The following PAPPA2 variants were observed in gnomAD, a reference collection of about 807,000 sequenced individuals.
PAPPA2 encodes the protein pappalysin 2.
In PAPPA2, 86 loss-of-function variants were observed where a neutral mutation model predicts 176.4. That is an observed-to-expected ratio of 0.49 (90% CI 0.41 to 0.58). The LOEUF (loss-of-function observed/expected upper bound fraction) is 0.58, where lower values mean the gene tolerates loss of function less well. PAPPA2 is among the 20% of genes least tolerant of loss of function. PAPPA2 has a pLI of 0.00. For synonymous variants in PAPPA2, 809 were observed against 852.2 expected, an observed-to-expected ratio of 0.95 and a Z score of 0.88; for missense variants, 2,073 against 2,256.9, an observed-to-expected ratio of 0.92 and a Z score of 1.65.
chr1:176,682,023 T>C (rs1659610106), intron 4 of PAPPA2, among the ~76,000 whole-genome samples: 1 of 152,172 alleles, frequency 6.6e-6, no homozygotes, highest in Admixed American at 6.5e-5. Flanking sequence ...TATCCCTTAC[T>C]TATGCAGAAC....
intron 12 of PAPPA2, among the ~76,000 whole-genome samples, chr1:176,716,602 C>CTTTTTTTT (rs71299410): frequency 4.2e-4 from 48 of 114,824 alleles, no homozygotes; most frequent in South Asian, 6.0e-4. Flanking sequence ...TTCCTTCCTT[C>CTTTTTTTT]TTTTTTTTTT....
chr1:176,771,360 A>T (rs1043811827), intron 17 of PAPPA2, among the ~76,000 whole-genome samples, 180 bp downstream of exon 17: 1 of 152,226 alleles, frequency 6.6e-6, no homozygotes, highest in Non-Finnish European at 1.5e-5. Context: ...TCTCACTTGC[A>T]TACTTTTTAA....
intron 3 of PAPPA2, among the ~76,000 whole-genome samples, chr1:176,641,793 A>G (rs539992367): frequency 5.7e-4 from 86 of 152,050 alleles, no homozygotes; most frequent in African/African-American, 2.0e-3. Flanking sequence ...CATAAAACTT[A>G]ATATAGTCTG....
At chr1:176,674,488 A>C (rs1167485807) in intron 4 of PAPPA2, among the ~76,000 whole-genome samples, 2 of 152,054 alleles carry the variant, frequency 1.3e-5, no homozygotes, top group African/African-American at 4.8e-5. Context: ...TTTAGCTCCC[A>C]CTTATAAGTG....
At chr1:176,803,698 T>C (rs369281881) in intron 21 of PAPPA2, among the ~76,000 whole-genome samples, 4 of 152,184 alleles carry the variant, frequency 2.6e-5, no homozygotes, top group African/African-American at 9.6e-5. Context: ...GCCCATCAAT[T>C]TCCTTCATTC....
At chr1:176,580,120 T>A (rs1652876347) in intron 2 of PAPPA2, among the ~76,000 whole-genome samples, 2 of 152,186 alleles carry the variant, frequency 1.3e-5, no homozygotes, top group South Asian at 4.1e-4. Context: ...CCTACCTAGC[T>A]GTAATTCTGT....
rs758253597 is a variant in PAPPA2 at position 176,779,155 on chromosome 1, CA to C, written c.4715+7976del. 2.0e-5 allele frequency among the ~76,000 whole-genome samples: 3 copies of C among 152,250 alleles called. No homozygotes were observed. The South Asian group carries it at 6.2e-4, about 32-fold the overall frequency. On this transcript the variant is annotated intron_variant, in intron 17 of 22. Coordinates refer to ENST00000367662, the MANE Select transcript of PAPPA2 (RefSeq NM_020318.3). ...ATATTGACTGCTAATATCTATTAAT[CA>C]GAGTACATTTTTAAAAACTTGAGTA...
At chr1:176,500,779 A>G (rs991257645) in intron 1 of PAPPA2, among the ~76,000 whole-genome samples, 1 of 151,420 alleles carries the variant, frequency 6.6e-6, no homozygotes, top group South Asian at 2.1e-4. Context: ...CCCCTAACCT[A>G]TGTATGTGAT....
At chr1:176,511,165 T>A (rs1648578433) in intron 1 of PAPPA2, among the ~76,000 whole-genome samples, 1 of 151,976 alleles carries the variant, frequency 6.6e-6, no homozygotes, top group Non-Finnish European at 1.5e-5. Flanking sequence ...CACAGATAGG[T>A]TCAAAATAAA....
chr1:176,689,050 C>T (rs1659976244), intron 4 of PAPPA2, among the ~76,000 whole-genome samples: 1 of 152,150 alleles, frequency 6.6e-6, no homozygotes, highest in Non-Finnish European at 1.5e-5. Context: ...GAAAGAAGGG[C>T]AGGGCCAGCT....
chr1:176,563,480 A>G (rs571292371), intron 2 of PAPPA2, among the ~76,000 whole-genome samples: 1 of 152,252 alleles, frequency 6.6e-6, no homozygotes. Flanking sequence ...GTTTTTGTAA[A>G]TAAAGTTTTA....
intron 1 of PAPPA2, among the ~76,000 whole-genome samples, chr1:176,494,564 C>A (rs1344586963): frequency 6.6e-6 from 1 of 152,162 alleles, no homozygotes; most frequent in Non-Finnish European, 1.5e-5. Context: ...TTTCTGCCTC[C>A]TGTTACATGA....
intron 1 of PAPPA2, among the ~76,000 whole-genome samples, chr1:176,542,666 A>G (rs1008951073): frequency 4.6e-5 from 7 of 152,190 alleles, no homozygotes; most frequent in Non-Finnish European, 8.8e-5. Context: ...TTGAATGGGT[A>G]GGAGGACATC....
At chr1:176,785,389 G>A (rs564016546) in intron 17 of PAPPA2, among the ~76,000 whole-genome samples, 5 of 152,244 alleles carry the variant, frequency 3.3e-5, no homozygotes, top group South Asian at 2.1e-4. Flanking sequence ...GCTTAGAGAC[G>A]TTGGTTGTCT....
intron 12 of PAPPA2, among the ~76,000 whole-genome samples, chr1:176,737,719 G>C (rs1256536210): frequency 6.6e-6 from 1 of 152,114 alleles, no homozygotes; most frequent in Non-Finnish European, 1.5e-5. Context: ...AACAGGCAAA[G>C]TGATTTGATA....
chr1:176,690,911 T>TAA (rs3039065), intron 5 of PAPPA2: 110,103 of 875,298 alleles, frequency 0.13, 1,986 homozygotes, highest in Middle Eastern at 0.18. Flanking sequence ...TGTATGTTAC[T>TAA]AAAAAAAAAA....
intron 21 of PAPPA2, among the ~76,000 whole-genome samples, chr1:176,821,963 A>G (rs1401193644): frequency 6.6e-6 from 1 of 152,230 alleles, no homozygotes; most frequent in Non-Finnish European, 1.5e-5. Flanking sequence ...CAGGTTTGAA[A>G]TCTAGAATCT....
Position 176,464,907 on chromosome 1 carries a change from C to T in PAPPA2, c.-917+1489C>T, listed in dbSNP as rs1039770725. On this transcript the variant is annotated intron_variant, in intron 1 of 22. Coordinates refer to ENST00000367662, the MANE Select transcript of PAPPA2 (RefSeq NM_020318.3). ...AATATCCATATGCAGTGGTTATCAC[C>T]GGATAGGTGGCTGGATAGTGGTTAT... Among the ~76,000 whole-genome samples the T allele has an allele frequency of 5.9e-5, 9 of 152,188 alleles. No homozygotes were observed. In the East Asian group the frequency reaches 7.7e-4, roughly 13 times the overall value.
intron 3 of PAPPA2, among the ~76,000 whole-genome samples, chr1:176,632,059 A>G (rs1354521850): frequency 6.6e-6 from 1 of 152,178 alleles, no homozygotes; most frequent in Admixed American, 6.5e-5. Flanking sequence ...TCATTAAGCT[A>G]GGAAGCAAAT....
Sources: allele counts gnomAD v4.1 joint callset (sites outside exome capture counted in the v4.1 genomes callset), GRCh38; gene constraint gnomAD v4.1.1; transcripts MANE v1.5; gene names NCBI Gene and HGNC (gene_info 2026-07-23, HGNC 2026-07-21).